EIF2AK3: variants seen among roughly 807,000 people sequenced by gnomAD.
EIF2AK3 encodes the protein eukaryotic translation initiation factor 2-alpha kinase 3.
EIF2AK3 carries 50 observed loss-of-function variants against 113.5 expected under a neutral mutation model. That is an observed-to-expected ratio of 0.44 (90% confidence interval 0.35 to 0.56). EIF2AK3 has a LOEUF of 0.56. EIF2AK3 is among the 20% of genes least tolerant of loss of function. EIF2AK3 has a pLI of 0.00. For synonymous variants in EIF2AK3, 448 were observed against 495.4 expected (o/e 0.90, Z 1.27); for missense variants, 1,185 against 1,378.0 (o/e 0.86, Z 2.22).
chr2:88,565,620 C>T (rs1674096449), intron 14 of EIF2AK3, among the ~76,000 whole-genome samples: 2 of 152,142 alleles, frequency 1.3e-5, no homozygotes, highest in African/African-American at 4.8e-5. Flanking sequence ...AGGCATGAGC[C>T]ACCATGCCCA....
chr2:88,584,368 T>C (rs911199103), intron 9 of EIF2AK3, among the ~76,000 whole-genome samples: 13 of 151,738 alleles, frequency 8.6e-5, no homozygotes, highest in African/African-American at 3.1e-4. Context: ...AATACAAAAA[T>C]TAGCTGGGTG....
At chr2:88,624,439 G>A (rs573411891) in intron 1 of EIF2AK3, among the ~76,000 whole-genome samples, 1 of 152,206 alleles carries the variant, frequency 6.6e-6, no homozygotes, top group African/African-American at 2.4e-5. Context: ...TGCAATTTGA[G>A]TATTGTCTCT....
At chr2:88,596,473 T>TA (rs979186059) in intron 2 of EIF2AK3, among the ~76,000 whole-genome samples, 2 of 151,976 alleles carry the variant, frequency 1.3e-5, no homozygotes, top group South Asian at 2.1e-4. Flanking sequence ...TAAATGCCGT[T>TA]AAAAAAATGG....
At chr2:88,581,835 G>A (rs1039073774) in intron 10 of EIF2AK3, among the ~76,000 whole-genome samples, 3 of 152,182 alleles carry the variant, frequency 2.0e-5, no homozygotes, top group East Asian at 3.8e-4. Flanking sequence ...CCACCATCCT[G>A]AAGCAGCTGG....
At chr2:88,558,568 A>G (rs535211915) in intron 16 of EIF2AK3, among the ~76,000 whole-genome samples, 10 of 152,344 alleles carry the variant, frequency 6.6e-5, no homozygotes, top group Non-Finnish European at 8.8e-5. Context: ...CCATTTTTTA[A>G]TGCAACCCTT....
intron 12 of EIF2AK3, chr2:88,575,655 T>C (rs1417700211): frequency 1.6e-6 from 1 of 617,446 alleles, no homozygotes; most frequent in South Asian, 1.9e-5. Flanking sequence ...ATTTTAAAGC[T>C]TAATTTTATA....
At chr2:88,625,320 C>CACAG in intron 1 of EIF2AK3, among the ~76,000 whole-genome samples, 1 of 146,348 alleles carries the variant, frequency 6.8e-6, no homozygotes, top group Admixed American at 6.9e-5. Flanking sequence ...CACACACACA[C>CACAG]ACACACAGAC....
Position 88,575,056 on chromosome 2 carries a change from T to G in EIF2AK3, c.2427A>C (p.Glu809Asp). The change falls in exon 13 of 17, where the codon GAA (glutamate) becomes GAC (aspartate). Residue 809 changes from glutamate to aspartate, a missense_variant. Glu to Asp is a conservative substitution (Grantham distance 45, BLOSUM62 2). Transcript: ENST00000303236. ...RERTSSSIVF[E>D]DSGCDNASSK... ...TGGAAGCATTATCACAGCCAGAATC[T>G]TCAAATACTATTGAAGAGGAGGTTC... 1 of 1,614,242 alleles carries G rather than the reference T, an allele frequency of 6.2e-7. No individual in the cohort carries two copies. Among genetic ancestry groups the G allele is most frequent in the Non-Finnish European group, 8.5e-7 (1 of 1,180,044 alleles).
intron 11 of EIF2AK3, 93 bp downstream of exon 11, chr2:88,579,425 G>A (rs1674542375): frequency 2.4e-5 from 36 of 1,503,666 alleles, no homozygotes; most frequent in Non-Finnish European, 3.2e-5. Flanking sequence ...TGTTTTCTAT[G>A]GTGTTTACAG....
Position 88,627,300 on chromosome 2 carries a change from T to C in EIF2AK3, c.-26A>G. 6.8e-7 allele frequency: 1 copy of C among 1,476,082 alleles called. No homozygotes were observed. Among genetic ancestry groups the C allele is most frequent in the East Asian group, 2.9e-5 (1 of 34,770 alleles). 91.4% of individuals were successfully genotyped at this position (1,476,082 alleles called of 1,614,324 possible). A position where few individuals can be genotyped will look rare whatever the true frequency, so the allele number is the denominator to read the frequency against. On this transcript the variant is annotated 5_prime_UTR_variant, in exon 1 of 17. The change abolishes an upstream ATG in the 5' untranslated region. Transcript: ENST00000303236. The stretch of plus-strand genomic sequence containing the variant: ...CAGCGTCCCGCCCCGCGCGCAGGCA[T>C]GGAGGCGCAGCCACTGACGCCTGCC...
intron 1 of EIF2AK3, among the ~76,000 whole-genome samples, chr2:88,624,337 A>T (rs1247966089): frequency 6.6e-6 from 1 of 152,118 alleles, no homozygotes; most frequent in Non-Finnish European, 1.5e-5. Context: ...TTTTCAGTAC[A>T]TAAGTAAGTT....
At chr2:88,584,527 G>GAAAAAAAAA (rs66817563) in intron 9 of EIF2AK3, among the ~76,000 whole-genome samples, 12 of 73,318 alleles carry the variant, frequency 1.6e-4, no homozygotes, top group African/African-American at 5.2e-4. Context: ...CCCTGTCTCT[G>GAAAAAAAAA]AAAAAAAAAA....
chr2:88,570,936 T>C lies in EIF2AK3; in HGVS notation c.2923A>G (p.Met975Val), dbSNP rs759906972. 8.7e-6 allele frequency: 14 copies of C among 1,614,120 alleles called. No homozygotes were observed. The highest frequency in any genetic ancestry group is 6.7e-5 in the East Asian group (3 of 44,870). Residue 975 changes from methionine (M) to valine (V), a missense_variant, in exon 14 of 17, where the codon ATG (methionine) becomes GTG (valine). Met to Val is a conservative substitution (Grantham distance 21). Transcript: ENST00000303236. ...CCTGTGTGTCTGGCATAAGCTGGCATTGGGGTCAGAACCGTCTGCTCTTCC... is the reference window on the plus strand; with the variant it reads ...CCTGTGTGTCTGGCATAAGCTGGCACTGGGGTCAGAACCGTCTGCTCTTCC... ...DEEEQTVLTP[M>V]PAYARHTGQV...
At chr2:88,590,110 CAGTAAT>C (rs1435523497) in intron 6 of EIF2AK3, among the ~76,000 whole-genome samples, 3 of 152,030 alleles carry the variant, frequency 2.0e-5, no homozygotes, top group Non-Finnish European at 4.4e-5. Context: ...TGGCAGGTGC[CAGTAAT>C]CCCAGCTACT....
intron 16 of EIF2AK3, 126 bp downstream of exon 16, chr2:88,558,791 G>T (rs1673856387): frequency 2.7e-6 from 2 of 737,302 alleles, no homozygotes; most frequent in Non-Finnish European, 4.4e-6. Flanking sequence ...TTGGGAGCAG[G>T]TCTCTTTCCT....
intron 2 of EIF2AK3, among the ~76,000 whole-genome samples, chr2:88,597,066 T>C (rs999682371): frequency 8.5e-5 from 13 of 152,188 alleles, no homozygotes; most frequent in African/African-American, 3.1e-4. Context: ...TTCTACATAG[T>C]TTTTTGTTCT....
Position 88,590,423 on chromosome 2 carries a change from G to C in EIF2AK3, c.1165+20C>G, listed in dbSNP as rs781253477. 53 of 1,612,780 alleles carry C rather than the reference G, an allele frequency of 3.3e-5. No individual in the cohort carries two copies. In the Middle Eastern group the frequency reaches 4.9e-4, roughly 15 times the overall value. On this transcript the variant is annotated intron_variant, in intron 6 of 16. Coordinates refer to ENST00000303236, the MANE Select transcript of EIF2AK3 (RefSeq NM_004836.7). Reference sequence around the variant, plus strand: ...TAGATGTCAATGTGTACTATCGTTAGATAAGATACATTTACTCACCCAAGT... The same window carrying C: ...TAGATGTCAATGTGTACTATCGTTACATAAGATACATTTACTCACCCAAGT...
chr2:88,557,849 A>G lies in EIF2AK3; in HGVS notation c.3238T>C (p.Leu1080=), dbSNP rs1240592907. The change falls in exon 17 of 17, where the codon TTG becomes CTG. Residue 1080 remains leucine, a synonymous_variant. Coordinates refer to ENST00000303236, the MANE Select transcript of EIF2AK3 (RefSeq NM_004836.7). ...AGCACTGTTTTTCCTGGAAAGTCCA[A>G]GTCCTCAAATACAGCATTTTCAATG... The part of the protein sequence containing the change: ...NIIENAVFED[L]DFPGKTVLRQ... 6.2e-7 allele frequency: 1 copy of G among 1,614,052 alleles called. No individual in the cohort carries two copies. The highest frequency in any genetic ancestry group is 2.2e-5 in the East Asian group (1 of 44,892).
At chr2:88,584,410 G>A (rs1045386282) in intron 9 of EIF2AK3, among the ~76,000 whole-genome samples, 3 of 151,670 alleles carry the variant, frequency 2.0e-5, no homozygotes, top group Non-Finnish European at 4.4e-5. Flanking sequence ...CCAGCTACTC[G>A]GGAGGCTGAA....
Sources: gnomAD v4.1 joint callset for allele counts (sites outside exome capture counted in the v4.1 genomes callset) on GRCh38, gnomAD v4.1.1 for gene constraint, MANE v1.5 for transcripts, NCBI Gene and HGNC (gene_info 2026-07-23, HGNC 2026-07-21) for gene names.